Variants in FAM135B observed in about 807,000 individuals in gnomAD.
FAM135B encodes family with sequence similarity 135 member B, also known as protein FAM135B.
A neutral mutation model predicts 127.7 loss-of-function variants in FAM135B; 43 were observed. That is an observed-to-expected ratio of 0.34 (90% CI 0.26 to 0.43). The LOEUF (loss-of-function observed/expected upper bound fraction) is 0.43. FAM135B is among the 20% of genes least tolerant of loss of function. The pLI is 1.00. For missense variants in FAM135B, 1,558 were observed against 1,725.6 expected, an observed-to-expected ratio of 0.90 and a Z score of 1.72; for synonymous variants, 670 against 665.1, an observed-to-expected ratio of 1.01 and a Z score of -0.11.
chr8:138,389,181 G>A (rs1006316171), intron 1 of FAM135B, among the ~76,000 whole-genome samples: 4 of 152,114 alleles, frequency 2.6e-5, no homozygotes, highest in Non-Finnish European at 5.9e-5. Flanking sequence ...AAAGACATTG[G>A]AGCCCTTATA....
rs145907235 is a variant in FAM135B, at chr8:138,471,290, G to A, written c.-20+25381C>T. Among the ~76,000 whole-genome samples, 19 of 152,276 alleles carry A rather than the reference G, an allele frequency of 1.2e-4. No homozygotes were observed. In the East Asian group the frequency reaches 3.7e-3, roughly 29 times the overall value. ...TTCCTAGGGAAAGGTGAGAGGAGCA[G>A]GATCTCATCTCCATTCTGAGAATAT... is the stretch of plus-strand genomic sequence containing the variant. On this transcript the variant is annotated intron_variant, in intron 1 of 19. Transcript: ENST00000395297.
At position 138,243,211 on chromosome 8, in the gene FAM135B, T is replaced by C; in HGVS notation, c.543-143A>G. 5.5e-6 allele frequency: 5 copies of C among 904,436 alleles called. No homozygotes were observed. Among genetic ancestry groups the C allele is most frequent in the Non-Finnish European group, 7.9e-6 (5 of 629,468 alleles). The allele number at this position is 904,436 out of a possible 1,614,324, so 56.0% of individuals were successfully genotyped here. A position where few individuals can be genotyped will look rare whatever the true frequency, so the allele number is the denominator to read the frequency against. ...GTTCACCCCCTAGGGAGTGTTTGCA[T>C]GTGACATTTGTGGATATTTTGATGA... is the stretch of plus-strand genomic sequence containing the variant. On this transcript the variant is annotated intron_variant, in intron 6 of 19. Coordinates refer to ENST00000395297, the MANE Select transcript of FAM135B (RefSeq NM_015912.4). This position sits in a 1 kb window ranked among gnomAD's most constrained non-coding sequence, Gnocchi z 7.5.
chr8:138,351,769 A>C (rs1442232025), intron 2 of FAM135B, among the ~76,000 whole-genome samples: 1 of 148,998 alleles, frequency 6.7e-6, no homozygotes, highest in African/African-American at 2.5e-5. Flanking sequence ...ACCTCATGGC[A>C]ACTTCTGCCT....
At chr8:138,460,379 G>C (rs924785838) in intron 1 of FAM135B, among the ~76,000 whole-genome samples, 10 of 152,160 alleles carry the variant, frequency 6.6e-5, no homozygotes, top group Non-Finnish European at 1.5e-4. Context: ...AGAAGCTAAA[G>C]CCTTCTTCCA....
At chr8:138,280,840 T>C (rs1824209123) in intron 3 of FAM135B, among the ~76,000 whole-genome samples, 3 of 152,034 alleles carry the variant, frequency 2.0e-5, no homozygotes. Flanking sequence ...GGAGGGTTTT[T>C]TGGGGTGGTG....
chr8:138,389,278 A>C (rs2131318064), intron 1 of FAM135B, among the ~76,000 whole-genome samples: 1 of 152,344 alleles, frequency 6.6e-6, no homozygotes, highest in Admixed American at 6.5e-5. Context: ...TAGAATTACC[A>C]CACGACCCAG....
chr8:138,461,558 A>C (rs1380872566), intron 1 of FAM135B, among the ~76,000 whole-genome samples: 1 of 152,226 alleles, frequency 6.6e-6, no homozygotes, highest in East Asian at 1.9e-4. Flanking sequence ...TATGCAAATG[A>C]AATGTTAAGC....
intron 12 of FAM135B, 32 bp from the exon 13 acceptor site, chr8:138,153,248 T>C (rs766027602): frequency 2.7e-6 from 4 of 1,458,702 alleles, no homozygotes; most frequent in Non-Finnish European, 3.7e-6. Context: ...AATTATATTA[T>C]AGTGTAAGAA....
At position 138,194,989 on chromosome 8, in the gene FAM135B, T is replaced by C. The variant is rs77061421; in HGVS notation, c.873+269A>G. On this transcript the variant is annotated intron_variant, in intron 9 of 19. Coordinates refer to ENST00000395297, the MANE Select transcript of FAM135B (RefSeq NM_015912.4). ...AAACGTTTGTTCAATGGATGGGTAA[T>C]GGACAAATACATATGTGTAGCCTAA... 4.3e-3 allele frequency among the ~76,000 whole-genome samples: 653 copies of C among 152,344 alleles called. 5 individuals carry two copies. Among genetic ancestry groups the C allele is most frequent in the Non-Finnish European group, 7.3e-3 (497 of 68,026 alleles).
rs1169510392 is a variant in FAM135B at position 138,243,579 on chromosome 8, C to T, written c.543-511G>A. ...ACTGTCATAAGCCAGAAAGCACTCG[C>T]TGTGTCAACGCTAATTGGGAAGACC... is the stretch of plus-strand genomic sequence containing the variant. On this transcript the variant is annotated intron_variant, in intron 6 of 19. Coordinates refer to ENST00000395297, the MANE Select transcript of FAM135B (RefSeq NM_015912.4). The surrounding 1 kb of genome is among the most constrained non-coding windows in gnomAD (Gnocchi z 7.5). Among the ~76,000 whole-genome samples the T allele has an allele frequency of 1.3e-5, 2 of 152,218 alleles. No homozygotes were observed. Among genetic ancestry groups the T allele is most frequent in the Admixed American group, 6.5e-5 (1 of 15,292 alleles).
chr8:138,397,494 T>C (rs1407754850), intron 1 of FAM135B, among the ~76,000 whole-genome samples: 1 of 152,264 alleles, frequency 6.6e-6, no homozygotes, highest in Non-Finnish European at 1.5e-5. Context: ...TGATTTCATA[T>C]TATGTAAATT....
chr8:138,398,779 C>T (rs758532817), intron 1 of FAM135B, among the ~76,000 whole-genome samples: 24 of 152,230 alleles, frequency 1.6e-4, no homozygotes, highest in Middle Eastern at 3.4e-3. Context: ...GAGATGTCAG[C>T]GGTCAGACCC....
intron 1 of FAM135B, among the ~76,000 whole-genome samples, chr8:138,461,213 G>A (rs1012364101): frequency 6.6e-6 from 1 of 152,160 alleles, no homozygotes; most frequent in African/African-American, 2.4e-5. Context: ...CACACTGCAA[G>A]GCAGCTGAGA....
chr8:138,287,457 TTTTTTTTTC>T (rs1225199180), intron 3 of FAM135B, among the ~76,000 whole-genome samples: 3 of 150,094 alleles, frequency 2.0e-5, no homozygotes, highest in Non-Finnish European at 3.0e-5. Flanking sequence ...TTTTTTTTTT[TTTTTTTTTC>T]AAATCTGCAT....
chr8:138,379,772 T>C (rs975967430), intron 1 of FAM135B, among the ~76,000 whole-genome samples: 1 of 152,104 alleles, frequency 6.6e-6, no homozygotes, highest in African/African-American at 2.4e-5. Flanking sequence ...TCACATTCAT[T>C]GAGGTTGGGG....
At chr8:138,434,908 C>T (rs577195587) in intron 1 of FAM135B, among the ~76,000 whole-genome samples, 1 of 152,282 alleles carries the variant, frequency 6.6e-6, no homozygotes, top group African/African-American at 2.4e-5. Context: ...TCATGTAATT[C>T]CCTGAGCAGT....
At position 138,197,573 on chromosome 8, in the gene FAM135B, G is replaced by C. The variant is rs370285922; in HGVS notation, c.766C>G (p.Arg256Gly). ...CGCATGATCACCAGGAAGTGGAGACGGAGACCCCGGTAAGCGTGGAGGAGC... is the reference window on the plus strand; with the variant it reads ...CGCATGATCACCAGGAAGTGGAGACCGAGACCCCGGTAAGCGTGGAGGAGC... Reference protein sequence around the residue: ...LLLLHAYRGLRLHFLVIMRDI... With the variant: ...LLLLHAYRGLGLHFLVIMRDI... The change falls in exon 8 of 20, where the codon CGT (arginine) becomes GGT (glycine). Residue 256 changes from arginine to glycine, a missense_variant. By Grantham distance (125) the Arg-to-Gly change is moderately radical (BLOSUM62 -2). Transcript: ENST00000395297. 1 of 1,614,076 alleles carries C rather than the reference G, an allele frequency of 6.2e-7. No individual in the cohort carries two copies. Among genetic ancestry groups the C allele is most frequent in the African/African-American group, 1.3e-5 (1 of 75,012 alleles).
At chr8:138,322,536 A>G (rs2130950794) in intron 2 of FAM135B, among the ~76,000 whole-genome samples, 1 of 152,360 alleles carries the variant, frequency 6.6e-6, no homozygotes, top group Middle Eastern at 3.4e-3. Flanking sequence ...ACCATGACAG[A>G]ATCAGCAATA....
chr8:138,274,707 C>T (rs956279208), intron 3 of FAM135B, among the ~76,000 whole-genome samples: 2 of 152,084 alleles, frequency 1.3e-5, no homozygotes, highest in Non-Finnish European at 2.9e-5. Context: ...AGAGACCTAC[C>T]CCCAGCTGCA....
Sources: allele counts gnomAD v4.1 joint callset (sites outside exome capture counted in the v4.1 genomes callset), GRCh38; gene constraint gnomAD v4.1.1; non-coding constraint Gnocchi (gnomAD v3.1); transcripts MANE v1.5; gene names NCBI Gene and HGNC (gene_info 2026-07-23, HGNC 2026-07-21).